RPH3A: variants seen among roughly 807,000 people sequenced by gnomAD.
The protein encoded by RPH3A is rabphilin-3A.
RPH3A carries 48 observed loss-of-function variants against 102.2 expected under a neutral mutation model. The ratio of observed to expected loss-of-function variants is 0.47; its 90% CI spans 0.37 to 0.60. The LOEUF is 0.60. Ranked by LOEUF, RPH3A falls within the 20% of genes least tolerant of loss-of-function variation. RPH3A has a pLI of 0.00. For missense variants in RPH3A, 781 were observed against 910.1 expected (o/e 0.86, Z 1.83); for synonymous variants, 310 against 324.3 (o/e 0.96, Z 0.47).
At chr12:112,818,060 C>T (rs1440701335) in intron 2 of RPH3A, among the ~76,000 whole-genome samples, 1 of 152,188 alleles carries the variant, frequency 6.6e-6, no homozygotes, top group African/African-American at 2.4e-5. Flanking sequence ...CGCCTGTAAT[C>T]CCAGCACTCT....
chr12:112,702,508 C>T (rs1489590947), intron 1 of RPH3A, among the ~76,000 whole-genome samples: 6 of 152,224 alleles, frequency 3.9e-5, no homozygotes, highest in African/African-American at 1.2e-4. Context: ...GACATTGATG[C>T]TCAGGGAGAT....
At chr12:112,866,053 A>G (rs2042606454) in intron 6 of RPH3A, among the ~76,000 whole-genome samples, 1 of 152,164 alleles carries the variant, frequency 6.6e-6, no homozygotes, top group Non-Finnish European at 1.5e-5. Flanking sequence ...ACCTTTCCTT[A>G]AACTGTCTGC....
intron 1 of RPH3A, among the ~76,000 whole-genome samples, chr12:112,721,376 A>T (rs926463733): frequency 6.6e-6 from 1 of 152,212 alleles, no homozygotes; most frequent in Non-Finnish European, 1.5e-5. Context: ...TTGGAAAAGG[A>T]AGAATGTTAA....
intron 1 of RPH3A, among the ~76,000 whole-genome samples, chr12:112,593,389 A>G (rs923764587): frequency 7.9e-5 from 12 of 152,182 alleles, no homozygotes; most frequent in African/African-American, 2.4e-4. Flanking sequence ...AGCAGACTCT[A>G]TGAGGGAGGA....
chr12:112,736,479 C>T (rs1403632397), intron 1 of RPH3A, among the ~76,000 whole-genome samples: 5 of 152,206 alleles, frequency 3.3e-5, no homozygotes, highest in Non-Finnish European at 7.3e-5. Context: ...TGGCCTGGCA[C>T]ATAGTAAGTG....
At chr12:112,798,954 C>G (rs954569757) in intron 2 of RPH3A, among the ~76,000 whole-genome samples, 4 of 152,114 alleles carry the variant, frequency 2.6e-5, no homozygotes, top group African/African-American at 9.7e-5. Context: ...ATCTTTAAGA[C>G]ACACAGAAAT....
chr12:112,836,428 G>T, intron 3 of RPH3A, 63 bp from the exon 4 acceptor site: 1 of 1,001,532 alleles, frequency 1.0e-6, no homozygotes, highest in Non-Finnish European at 1.5e-6. Context: ...TGTAGATATT[G>T]TTATGATTTC....
intron 5 of RPH3A, among the ~76,000 whole-genome samples, chr12:112,865,025 G>C (rs192929969): frequency 6.6e-6 from 1 of 152,260 alleles, no homozygotes; most frequent in Non-Finnish European, 1.5e-5. Context: ...GAAAAGTTGA[G>C]TTTGAAAGGG....
At chr12:112,579,579 A>G (rs965404724) in intron 1 of RPH3A, among the ~76,000 whole-genome samples, 4 of 152,174 alleles carry the variant, frequency 2.6e-5, no homozygotes, top group African/African-American at 7.2e-5. Flanking sequence ...TGTTTAAAAG[A>G]TTAGCTGTAT....
chr12:112,723,823 G>C (rs2040568297), intron 1 of RPH3A, among the ~76,000 whole-genome samples: 1 of 152,172 alleles, frequency 6.6e-6, no homozygotes, highest in Non-Finnish European at 1.5e-5. Context: ...CAGTATGGAC[G>C]ACAGTTAATG....
intron 1 of RPH3A, among the ~76,000 whole-genome samples, chr12:112,745,466 G>C (rs1388842935): frequency 1.3e-5 from 2 of 152,126 alleles, no homozygotes; most frequent in Admixed American, 1.3e-4. Context: ...TCCTTTTGCA[G>C]TTCTTAGTTG....
intron 10 of RPH3A, among the ~76,000 whole-genome samples, chr12:112,870,711 G>A (rs1660699059): frequency 6.6e-6 from 1 of 152,066 alleles, no homozygotes; most frequent in Non-Finnish European, 1.5e-5. Flanking sequence ...CATACATCTG[G>A]CCTTCTCTTC....
intron 14 of RPH3A, among the ~76,000 whole-genome samples, chr12:112,879,873 C>T (rs2042876960): frequency 6.6e-6 from 1 of 152,188 alleles, no homozygotes; most frequent in Non-Finnish European, 1.5e-5. Flanking sequence ...CCTGACCATT[C>T]CTAGCTGTGT....
At chr12:112,881,074 T>C (rs1182706446) in intron 14 of RPH3A, among the ~76,000 whole-genome samples, 1 of 152,050 alleles carries the variant, frequency 6.6e-6, no homozygotes, top group Admixed American at 6.6e-5. Context: ...TCACGGCCAA[T>C]TGTGCATGGT....
intron 1 of RPH3A, among the ~76,000 whole-genome samples, chr12:112,706,866 A>C (rs1228178912): frequency 6.6e-6 from 1 of 152,186 alleles, no homozygotes; most frequent in Non-Finnish European, 1.5e-5. Flanking sequence ...ACAGGTGTAG[A>C]GGCCTTCTAG....
intron 5 of RPH3A, among the ~76,000 whole-genome samples, chr12:112,864,929 G>A (rs1253432519): frequency 6.6e-6 from 1 of 152,166 alleles, no homozygotes; most frequent in African/African-American, 2.4e-5. Context: ...GGGGTTTCTG[G>A]TTTGAGCAAG....
intron 1 of RPH3A, among the ~76,000 whole-genome samples, chr12:112,594,576 G>A (rs934216110): frequency 5.3e-5 from 8 of 152,132 alleles, no homozygotes; most frequent in Non-Finnish European, 1.0e-4. Flanking sequence ...CTTTTGAAGT[G>A]AGTATTCCAT....
chr12:112,774,063 C>CA (rs11375355), intron 1 of RPH3A, among the ~76,000 whole-genome samples: 62,999 of 108,486 alleles, frequency 0.58, 17,623 homozygotes, highest in East Asian at 0.73. Context: ...CCAGCCTGGG[C>CA]AAAAAAAAAA....
intron 1 of RPH3A, among the ~76,000 whole-genome samples, chr12:112,651,235 T>C (rs1025584662): frequency 6.6e-6 from 1 of 151,846 alleles, no homozygotes; most frequent in Non-Finnish European, 1.5e-5. Context: ...TGGTGGTGCA[T>C]GCTTGTAGTC....
Sources: gnomAD v4.1 joint callset for allele counts (sites outside exome capture counted in the v4.1 genomes callset) on GRCh38, gnomAD v4.1.1 for gene constraint, MANE v1.5 for transcripts, NCBI Gene and HGNC (gene_info 2026-07-23, HGNC 2026-07-21) for gene names.